Variants in TNIK observed in about 807,000 individuals in gnomAD.
TNIK encodes TRAF2 and NCK-interacting protein kinase.
A neutral mutation model predicts 191.3 loss-of-function variants in TNIK; 49 were observed. The observed-to-expected ratio is 0.26, with a 90% CI of 0.20 to 0.32. TNIK has a LOEUF of 0.32. TNIK is among the 10% of genes least tolerant of loss of function. The pLI, the probability that TNIK is intolerant of heterozygous loss-of-function variation, is 1.00. For missense variants in TNIK, 1,155 were observed against 1,702.3 expected, an observed-to-expected ratio of 0.68 and a Z score of 5.66; for synonymous variants, 594 against 600.9, an observed-to-expected ratio of 0.99 and a Z score of 0.17.
chr3:171,393,136 C>T (rs185138424), intron 1 of TNIK, among the ~76,000 whole-genome samples: 31 of 152,278 alleles, frequency 2.0e-4, no homozygotes, highest in African/African-American at 5.8e-4. Flanking sequence ...TGCACAAGTA[C>T]GAACACATGG....
chr3:171,236,030 C>T (rs1304250007), intron 2 of TNIK, among the ~76,000 whole-genome samples: 4 of 152,158 alleles, frequency 2.6e-5, no homozygotes, highest in Non-Finnish European at 4.4e-5. Flanking sequence ...AAACGCAGTC[C>T]TCCAGGCACA....
intron 2 of TNIK, among the ~76,000 whole-genome samples, chr3:171,308,174 A>T (rs964408770): frequency 1.3e-5 from 2 of 152,194 alleles, no homozygotes; most frequent in South Asian, 2.1e-4. Flanking sequence ...ACTTCAAACT[A>T]TACTACAGTG....
intron 2 of TNIK, among the ~76,000 whole-genome samples, chr3:171,296,295 T>C (rs1013464952): frequency 1.3e-5 from 2 of 152,120 alleles, no homozygotes; most frequent in Non-Finnish European, 2.9e-5. Context: ...TTAACTGGTG[T>C]TTCATGAGTA....
At chr3:171,228,845 G>A (rs1467175341) in intron 2 of TNIK, among the ~76,000 whole-genome samples, 1 of 152,190 alleles carries the variant, frequency 6.6e-6, no homozygotes, top group East Asian at 1.9e-4. Context: ...TCAGAAACGA[G>A]TAGGGAGCGC....
At chr3:171,101,209 A>G (rs1373925792) in intron 22 of TNIK, among the ~76,000 whole-genome samples, 2 of 152,104 alleles carry the variant, frequency 1.3e-5, no homozygotes, top group Admixed American at 6.6e-5. Context: ...AGGATAGTCA[A>G]TCCATTGGCA....
rs1723601368 is a variant in TNIK at position 171,101,730 on chromosome 3, A to AT, written c.2407-98_2407-97insA. 2.4e-6 allele frequency: 3 copies of AT among 1,262,622 alleles called. No homozygotes were observed. The Admixed American group carries it at 8.1e-5, about 34-fold the overall frequency. 78.2% of individuals were successfully genotyped at this position (1,262,622 alleles called of 1,614,324 possible). On this transcript the variant is annotated intron_variant, in intron 21 of 32. Coordinates refer to ENST00000436636, the MANE Select transcript of TNIK (RefSeq NM_015028.4). ...GCTCCAGCTTAAGCAACAAGAAAAA[A>AT]AAAAGCTCTATATAGAACTGTGACA...
At chr3:171,124,915 T>C (rs115420972) in intron 17 of TNIK, among the ~76,000 whole-genome samples, 2,050 of 152,328 alleles carry the variant, frequency 0.013, 32 homozygotes, top group African/African-American at 0.046. Context: ...ATTTTTCATA[T>C]TGACTTTTGC....
chr3:171,094,338 A>G (rs1373132704), intron 22 of TNIK, among the ~76,000 whole-genome samples: 1 of 151,966 alleles, frequency 6.6e-6, no homozygotes, highest in African/African-American at 2.4e-5. Context: ...GGGTTTCAAC[A>G]TGTTAGCCAG....
intron 3 of TNIK, among the ~76,000 whole-genome samples, chr3:171,220,040 C>T (rs1022117076): frequency 5.3e-5 from 8 of 152,166 alleles, no homozygotes; most frequent in African/African-American, 1.9e-4. Flanking sequence ...GGCACATATA[C>T]ACCATGGAAT....
intron 2 of TNIK, among the ~76,000 whole-genome samples, chr3:171,242,557 A>G (rs187549150): frequency 7.1e-4 from 108 of 152,152 alleles, no homozygotes; most frequent in African/African-American, 2.5e-3. Context: ...TGTGTTTGCA[A>G]CATTAATGGT....
intron 2 of TNIK, among the ~76,000 whole-genome samples, chr3:171,228,610 C>T (rs1577183591): frequency 6.6e-6 from 1 of 152,170 alleles, no homozygotes; most frequent in East Asian, 1.9e-4. Flanking sequence ...TGGTTTCTTT[C>T]ATTCTTAAAA....
intron 1 of TNIK, among the ~76,000 whole-genome samples, chr3:171,426,503 A>G (rs1238435629): frequency 6.6e-6 from 1 of 152,032 alleles, no homozygotes; most frequent in African/African-American, 2.4e-5. Flanking sequence ...ATGTATACAT[A>G]TGTAACAAAC....
At chr3:171,091,303 G>A (rs572408865) in intron 23 of TNIK, among the ~76,000 whole-genome samples, 2 of 152,198 alleles carry the variant, frequency 1.3e-5, no homozygotes, top group East Asian at 3.9e-4. Flanking sequence ...TTTCTTCTCC[G>A]CTGGTTGAAG....
Position 171,092,700 on chromosome 3 carries a change from T to C in TNIK, c.2721+1139A>G, listed in dbSNP as rs544129165. 2.6e-5 allele frequency among the ~76,000 whole-genome samples: 4 copies of C among 152,386 alleles called. No homozygotes were observed. In the South Asian group the frequency reaches 8.3e-4, roughly 32 times the overall value. ...AATTCTAGCAAGTTGCTTTGTGAACTAGTCTTCCAGTTATAGCCCCACTGC... is the reference window on the plus strand; with the variant it reads ...AATTCTAGCAAGTTGCTTTGTGAACCAGTCTTCCAGTTATAGCCCCACTGC... On this transcript the variant is annotated intron_variant, in intron 23 of 32. Transcript: ENST00000436636.
Position 171,139,490 on chromosome 3 carries a change from G to T in TNIK, c.1399C>A (p.His467Asn), listed in dbSNP as rs1421407123. 1.2e-6 allele frequency: 2 copies of T among 1,613,178 alleles called. No homozygotes were observed. Among genetic ancestry groups the T allele is most frequent in the Admixed American group, 3.3e-5 (2 of 59,964 alleles). The change falls in exon 14 of 33, where the codon CAT (histidine) becomes AAT (asparagine). Residue 467 changes from histidine to asparagine, a missense_variant. By Grantham distance (68) the His-to-Asn change is moderately conservative (BLOSUM62 1). Around this residue, in one of 3 missense-constraint regions of TNIK, gnomAD observed 735 missense variants for 848.0 expected, o/e 0.87. Transcript: ENST00000436636. Reference sequence around the variant, plus strand: ...ATTACCAGAAGTAGAGCTTGTTCATGCAGTAGCTGCTGCTGCAAGATCTCT... The same window carrying T: ...ATTACCAGAAGTAGAGCTTGTTCATTCAGTAGCTGCTGCTGCAAGATCTCT... ...QLEILQQQLL[H>N]EQALLLEYKR...
rs71634497 is a variant in TNIK at position 171,327,900 on chromosome 3, T to TAAAA, written c.123+41716_123+41719dup. Among the ~76,000 whole-genome samples, 314 of 79,576 alleles carry TAAAA rather than the reference T, an allele frequency of 3.9e-3. 10 individuals carry two copies. The highest frequency in any genetic ancestry group is 6.5e-3 in the Admixed American group (39 of 5,968). The allele number at this position is 79,576 out of a possible 152,430, so 52.2% of individuals were successfully genotyped here. ...ATCTGTGGCTCCCAAACCTGGCTCATAAAAAAAAAAAAAAAAAAAAAAAAA... is the reference window on the plus strand; with the variant it reads ...ATCTGTGGCTCCCAAACCTGGCTCATAAAAAAAAAAAAAAAAAAAAAAAAAAAAA... On this transcript the variant is annotated intron_variant, in intron 2 of 32. Transcript: ENST00000436636.
At chr3:171,385,079 C>A (rs1464917706) in intron 1 of TNIK, among the ~76,000 whole-genome samples, 1 of 152,114 alleles carries the variant, frequency 6.6e-6, no homozygotes, top group Non-Finnish European at 1.5e-5. Context: ...TCAAAGGTGG[C>A]CAAACATGAA....
intron 18 of TNIK, among the ~76,000 whole-genome samples, chr3:171,120,696 TCTC>T (rs1727608125): frequency 6.6e-6 from 1 of 152,130 alleles, no homozygotes; most frequent in Admixed American, 6.5e-5. Flanking sequence ...GTAGAACTGG[TCTC>T]CTTGATGGTT....
At chr3:171,199,075 C>A (rs1246868514) in intron 4 of TNIK, among the ~76,000 whole-genome samples, 2 of 152,130 alleles carry the variant, frequency 1.3e-5, no homozygotes, top group Non-Finnish European at 2.9e-5. Context: ...AGGAAACAAT[C>A]CTACTCTAGC....
Sources: allele counts gnomAD v4.1 joint callset (sites outside exome capture counted in the v4.1 genomes callset), GRCh38; gene constraint gnomAD v4.1.1; regional missense constraint gnomAD v4.1.1; transcripts MANE v1.5; gene names NCBI Gene and HGNC (gene_info 2026-07-23, HGNC 2026-07-21).